The following ADGRG1 variants were observed in gnomAD, a reference collection of about 807,000 sequenced individuals.
ADGRG1 encodes the protein 7-transmembrane protein with no EGF-like N-terminal domains-1.
A neutral mutation model predicts 73.5 loss-of-function variants in ADGRG1; 53 were observed. The ratio of observed to expected loss-of-function variants is 0.72; its 90% CI spans 0.58 to 0.91. The LOEUF (loss-of-function observed/expected upper bound fraction) is 0.91. Ranked by LOEUF, ADGRG1 falls within the 40% of genes least tolerant of loss-of-function variation. The probability of loss-of-function intolerance (pLI) is 0.00; values close to 1 mark genes in which losing one functional copy is unlikely to be tolerated. For synonymous variants in ADGRG1, 394 were observed against 374.4 expected (o/e 1.05, Z -0.60); for missense variants, 795 against 871.8 (o/e 0.91, Z 1.11).
chr16:57,642,481 C>CT (rs35428052), intron 1 of ADGRG1: 1 of 985,064 alleles, frequency 1.0e-6, no homozygotes, highest in Non-Finnish European at 1.2e-6. Context: ...TTTCTGAGAG[C>CT]TTTTTTCCAT....
At chr16:57,639,759 C>A in intron 1 of ADGRG1, 1 of 797,022 alleles carries the variant, frequency 1.3e-6, no homozygotes, top group Non-Finnish European at 1.5e-6. Flanking sequence ...CTGTCTTCCT[C>A]CTTCACTCCC....
intron 1 of ADGRG1, chr16:57,630,177 GC>G (rs1342867810): frequency 5.1e-6 from 2 of 395,576 alleles, no homozygotes; most frequent in Non-Finnish European, 6.9e-6. Flanking sequence ...CAAGCCCCCT[GC>G]CCCTCCCAGA....
At chr16:57,628,199 A>G, upstream of ADGRG1, 1 of 984,470 alleles carries the variant, frequency 1.0e-6, no homozygotes, top group Non-Finnish European at 1.2e-6. Context: ...GCTGCCAAGG[A>G]GGCTGGACTC....
chr16:57,658,126 T>TA (rs1319243067), intron 10 of ADGRG1, among the ~76,000 whole-genome samples: 2 of 152,164 alleles, frequency 1.3e-5, no homozygotes, highest in Non-Finnish European at 2.9e-5. Flanking sequence ...ATAAAAAACT[T>TA]AAAAAAGGAA....
chr16:57,635,004 T>C (rs2038996275), intron 1 of ADGRG1: 1 of 985,104 alleles, frequency 1.0e-6, no homozygotes, highest in African/African-American at 1.7e-5. Flanking sequence ...TGTAAATAGC[T>C]CAGTGGGCTG....
intron 1 of ADGRG1, chr16:57,629,063 TGTGA>T (rs1395412416): frequency 7.1e-6 from 4 of 564,340 alleles, no homozygotes; most frequent in African/African-American, 2.1e-5. Context: ...TGAGTATGAG[TGTGA>T]GTGTGAGTGT....
Position 57,656,607 on chromosome 16 carries a change from C to T in ADGRG1, c.1157C>T (p.Ala386Val). Residue 386 changes from alanine (A) to valine (V), a missense_variant, in exon 9 of 14, where the codon GCA (alanine) becomes GTA (valine). Transcript: ENST00000562631. ...TTCTGCAACCACTTGACCTACTTTG[C>T]AGTGCTGATGGTGAGGGTCCCTGCT... ...SCFCNHLTYF[A>V]VLMVSSVEVD... is the part of the protein sequence containing the mutation. 1.2e-6 allele frequency: 2 copies of T among 1,605,452 alleles called. No homozygotes were observed. Among genetic ancestry groups the T allele is most frequent in the Non-Finnish European group, 1.7e-6 (2 of 1,172,122 alleles).
At chr16:57,654,350 C>T (rs572601790) in intron 5 of ADGRG1, among the ~76,000 whole-genome samples, 10 of 151,708 alleles carry the variant, frequency 6.6e-5, no homozygotes, top group Non-Finnish European at 1.3e-4. Flanking sequence ...GCTTCCTATA[C>T]CAGTCTCCTG....
chr16:57,660,719 G>A, intron 11 of ADGRG1, 49 bp from the exon 12 acceptor site: 5 of 1,482,230 alleles, frequency 3.4e-6, no homozygotes, highest in Non-Finnish European at 4.7e-6. Context: ...CAGGGAATGG[G>A]CAGGCCTCAG....
At chr16:57,626,942 A>C (rs2035952120), upstream of ADGRG1, 1 of 985,294 alleles carries the variant, frequency 1.0e-6, no homozygotes, top group African/African-American at 1.7e-5. Flanking sequence ...TGCTTTGGCA[A>C]TAAGGGAGTT....
At position 57,664,563 on chromosome 16, in the gene ADGRG1, G is replaced by C. The variant is rs1411812568; in HGVS notation, c.*981G>C. 1.3e-5 allele frequency: 2 copies of C among 152,392 alleles called. No homozygotes were observed. Among genetic ancestry groups the C allele is most frequent in the Non-Finnish European group, 2.9e-5 (2 of 68,182 alleles). 9.4% of individuals were successfully genotyped at this position (152,392 alleles called of 1,614,324 possible). A position where few individuals can be genotyped will look rare whatever the true frequency, so the allele number is the denominator to read the frequency against. On this transcript the variant is annotated 3_prime_UTR_variant, in exon 14 of 14. Coordinates refer to ENST00000562631, the MANE Select transcript of ADGRG1 (RefSeq NM_201525.4). The stretch of plus-strand genomic sequence containing the variant: ...TCCCACCACTCCAAGGACTGAGACT[G>C]ACCTCCTCTGGTGACACTGGCCTAG...
chr16:57,630,609 G>GCCCTT, intron 1 of ADGRG1: 1 of 796,892 alleles, frequency 1.3e-6, no homozygotes, highest in Non-Finnish European at 1.5e-6. Flanking sequence ...TGGGCCACTG[G>GCCCTT]GCAAGGGCCA....
At chr16:57,631,130 G>A in intron 1 of ADGRG1, 1 of 985,962 alleles carries the variant, frequency 1.0e-6, no homozygotes, top group Non-Finnish European at 1.2e-6. Flanking sequence ...GCTCAAGCTT[G>A]GGAGCAGCTT....
upstream of ADGRG1, chr16:57,623,026 A>G: frequency 2.0e-6 from 2 of 985,384 alleles, no homozygotes; most frequent in Non-Finnish European, 1.2e-6. Context: ...AACCAAGAAG[A>G]TGGTATGGAG....
intron 3 of ADGRG1, chr16:57,652,000 C>T: frequency 1.6e-6 from 2 of 1,212,506 alleles, no homozygotes; most frequent in Non-Finnish European, 2.1e-6. Context: ...AGAATTCTTC[C>T]TCAGCATCAG....
At chr16:57,648,970 G>T (rs1567740450) in intron 1 of ADGRG1, among the ~76,000 whole-genome samples, 1 of 152,270 alleles carries the variant, frequency 6.6e-6, no homozygotes, top group Admixed American at 6.5e-5. Context: ...TGGGTCAACA[G>T]CAGTGCCCAC....
intron 1 of ADGRG1, chr16:57,643,529 C>A: frequency 1.0e-6 from 1 of 973,856 alleles, no homozygotes. Context: ...CCAGAAGCCA[C>A]GGGGACAGTG....
Position 57,644,575 on chromosome 16 carries a change from GCA to G in ADGRG1, c.-35-5670_-35-5669del, listed in dbSNP as rs1290545403. Among the ~76,000 whole-genome samples, 25 of 134,102 alleles carry G rather than the reference GCA, an allele frequency of 1.9e-4. No homozygotes were observed. The East Asian group carries it at 2.3e-3, about 12-fold the overall frequency. The allele number at this position is 134,102 out of a possible 152,430, so 88.0% of individuals were successfully genotyped here. On this transcript the variant is annotated intron_variant, in intron 1 of 13. Coordinates refer to ENST00000562631, the MANE Select transcript of ADGRG1 (RefSeq NM_201525.4). ...TGCACACACGGACACTTATGCACAA[GCA>G]CACACACTGATCACACACTCATGCA...
chr16:57,634,474 C>T, intron 1 of ADGRG1: 1 of 985,148 alleles, frequency 1.0e-6, no homozygotes, highest in Non-Finnish European at 1.2e-6. Flanking sequence ...CACTTCACTG[C>T]CTACAAAGAC....
Sources: gnomAD v4.1 joint callset for allele counts (sites outside exome capture counted in the v4.1 genomes callset) on GRCh38, gnomAD v4.1.1 for gene constraint, MANE v1.5 for transcripts, NCBI Gene and HGNC (gene_info 2026-07-23, HGNC 2026-07-21) for gene names.